FAP: variants seen among roughly 807,000 people sequenced by gnomAD.
The protein encoded by FAP is prolyl endopeptidase FAP.
In FAP, 110 loss-of-function variants were observed where a neutral mutation model predicts 126.5. The observed-to-expected ratio is 0.87, with a 90% CI of 0.74 to 1.02. FAP has a LOEUF of 1.02. Among genes scored for constraint, FAP ranks in the 50% least tolerant of loss-of-function variants. The probability of loss-of-function intolerance (pLI) is 0.00; values close to 1 mark genes in which losing one functional copy is unlikely to be tolerated. For missense variants in FAP, 919 were observed against 909.2 expected, an observed-to-expected ratio of 1.01 and a Z score of -0.14; for synonymous variants, 334 against 297.3, an observed-to-expected ratio of 1.12 and a Z score of -1.27.
At chr2:162,219,799 A>G in intron 7 of FAP, 54 bp downstream of exon 7, 1 of 1,255,250 alleles carries the variant, frequency 8.0e-7, no homozygotes, top group Non-Finnish European at 1.2e-6. Context: ...GCCAAAATCA[A>G]ATGGCTCCTC....
At chr2:162,223,957 C>G (rs1422181863) in intron 5 of FAP, among the ~76,000 whole-genome samples, 1 of 152,104 alleles carries the variant, frequency 6.6e-6, no homozygotes, top group Non-Finnish European at 1.5e-5. Context: ...TTTGCATACT[C>G]TACCCCAGAA....
Position 162,242,920 on chromosome 2 carries a change from G to GT in FAP, c.78dup (p.Arg27ThrfsTer7). 2 of 1,612,654 alleles carry GT rather than the reference G, an allele frequency of 1.2e-6. No homozygotes were observed. The highest frequency in any genetic ancestry group is 1.7e-6 in the Non-Finnish European group (2 of 1,179,084). On this transcript the variant is annotated frameshift_variant, in exon 2 of 26. Transcript: ENST00000188790. LOFTEE classifies it high-confidence loss of function. ...AGAAAGTTCTTACCTCTTGAAGGGC[G>GT]TAAGACAATGCACATCACCAATAAG...
At chr2:162,205,945 CAGTT>C (rs1688682889) in intron 12 of FAP, among the ~76,000 whole-genome samples, 1 of 151,992 alleles carries the variant, frequency 6.6e-6, no homozygotes, top group Non-Finnish European at 1.5e-5. Context: ...AAGCTGCAGT[CAGTT>C]AGATAAGGGA....
intron 21 of FAP, among the ~76,000 whole-genome samples, chr2:162,180,091 G>T (rs1041900934): frequency 1.3e-5 from 2 of 152,014 alleles, no homozygotes; most frequent in African/African-American, 4.8e-5. Flanking sequence ...ACAGGCATGA[G>T]GCACCACTCC....
chr2:162,180,116 A>G (rs1687646417), intron 21 of FAP, among the ~76,000 whole-genome samples: 1 of 151,952 alleles, frequency 6.6e-6, no homozygotes, highest in South Asian at 2.1e-4. Flanking sequence ...CATAATTTAA[A>G]TTACTTAAGG....
intron 12 of FAP, 75 bp downstream of exon 12, chr2:162,209,877 T>C: frequency 7.4e-7 from 1 of 1,342,834 alleles, no homozygotes; most frequent in South Asian, 1.2e-5. Context: ...TTTGGGTACA[T>C]TGCAAATAGT....
intron 11 of FAP, 33 bp downstream of exon 11, chr2:162,213,905 G>A: frequency 6.2e-7 from 1 of 1,600,264 alleles, no homozygotes; most frequent in East Asian, 2.2e-5. Context: ...TTGATCTTCA[G>A]AAATACGTAT....
chr2:162,205,886 T>G (rs1688681191), intron 12 of FAP, among the ~76,000 whole-genome samples: 1 of 152,166 alleles, frequency 6.6e-6, no homozygotes, highest in Non-Finnish European at 1.5e-5. Context: ...AAATAAAACC[T>G]GAATCACAAC....
At chr2:162,219,769 G>T in intron 7 of FAP, 84 bp downstream of exon 7, 5 of 887,376 alleles carry the variant, frequency 5.6e-6, no homozygotes, top group African/African-American at 1.7e-5. Flanking sequence ...TTTTCTTTCA[G>T]GCAGGGAAAT....
chr2:162,240,705 A>T (rs1690313364), intron 2 of FAP, among the ~76,000 whole-genome samples: 2 of 152,252 alleles, frequency 1.3e-5, no homozygotes, highest in Non-Finnish European at 2.9e-5. Context: ...TGAGGATATG[A>T]GGGCACCTAA....
chr2:162,227,150 T>G (rs1168126983), intron 2 of FAP, among the ~76,000 whole-genome samples: 1 of 152,170 alleles, frequency 6.6e-6, no homozygotes, highest in African/African-American at 2.4e-5. Flanking sequence ...GCCAGAACCC[T>G]TACCTTCAGA....
At position 162,226,084 on chromosome 2, in the gene FAP, C is replaced by A. The variant is rs534824087; in HGVS notation, c.190+439G>T. On this transcript the variant is annotated intron_variant, in intron 3 of 25. Coordinates refer to ENST00000188790, the MANE Select transcript of FAP (RefSeq NM_004460.5). ...TTTGATTAGATTTGCTTTATAACAT[C>A]CTATTTTGAAAAGCTGTATGAAAAT... is the stretch of plus-strand genomic sequence containing the variant. Among the ~76,000 whole-genome samples the A allele has an allele frequency of 2.0e-5, 3 of 152,150 alleles. No individual in the cohort carries two copies. In the South Asian group the frequency reaches 6.2e-4, roughly 32 times the overall value.
intron 2 of FAP, among the ~76,000 whole-genome samples, chr2:162,234,372 T>C (rs1690018735): frequency 6.6e-6 from 1 of 152,172 alleles, no homozygotes; most frequent in South Asian, 2.1e-4. Context: ...TTAGATCTTT[T>C]TGGATTGCTC....
At chr2:162,213,374 C>CA (rs113581622) in intron 11 of FAP, among the ~76,000 whole-genome samples, 1,551 of 89,356 alleles carry the variant, frequency 0.017, 17 homozygotes, top group Middle Eastern at 0.062. Context: ...GACGCCATCT[C>CA]AAAAAAAAAA....
At chr2:162,230,532 A>C (rs1449723916) in intron 2 of FAP, among the ~76,000 whole-genome samples, 1 of 151,174 alleles carries the variant, frequency 6.6e-6, no homozygotes, top group Non-Finnish European at 1.5e-5. Flanking sequence ...TGCTGAATTA[A>C]AAAAAAAACC....
chr2:162,186,471 G>A (rs1455133474), intron 20 of FAP, among the ~76,000 whole-genome samples: 1 of 151,946 alleles, frequency 6.6e-6, no homozygotes, highest in East Asian at 1.9e-4. Flanking sequence ...TTCATCCAAG[G>A]AAAATATTAA....
intron 21 of FAP, among the ~76,000 whole-genome samples, chr2:162,178,600 T>C (rs371760302): frequency 1.3e-4 from 20 of 152,188 alleles, no homozygotes; most frequent in African/African-American, 4.6e-4. Flanking sequence ...ATAGTGAATA[T>C]TTATCAAGGG....
Position 162,218,043 on chromosome 2 carries a change from G to A in FAP, c.705C>T (p.Ala235=). 6.2e-7 allele frequency: 1 copy of A among 1,605,976 alleles called. No homozygotes were observed. Among genetic ancestry groups the A allele is most frequent in the Non-Finnish European group, 8.5e-7 (1 of 1,175,162 alleles). ...EFNDTDIPVI[A]YSYYGDEQYP... is the part of the protein sequence containing the mutation. Reference sequence around the variant, plus strand: ...ATTGTTCATCGCCATAATAGGAATAGGCAATAACTGGTATATCCGTATCAT... The same window carrying A: ...ATTGTTCATCGCCATAATAGGAATAAGCAATAACTGGTATATCCGTATCAT... The change falls in exon 9 of 26, where the codon GCC becomes GCT. Residue 235 remains alanine (A), a synonymous_variant. Transcript: ENST00000188790.
intron 21 of FAP, among the ~76,000 whole-genome samples, chr2:162,181,333 A>G (rs1183185457): frequency 6.6e-6 from 1 of 152,168 alleles, no homozygotes; most frequent in Non-Finnish European, 1.5e-5. Flanking sequence ...AAGAATGAAG[A>G]GAAAGGTGTC....
Sources: gnomAD v4.1 joint callset for allele counts (sites outside exome capture counted in the v4.1 genomes callset) on GRCh38, gnomAD v4.1.1 for gene constraint, MANE v1.5 for transcripts, NCBI Gene and HGNC (gene_info 2026-07-23, HGNC 2026-07-21) for gene names.